OSBPL10: variants seen among roughly 807,000 people sequenced by gnomAD.
OSBPL10 encodes oxysterol-binding protein-related protein 10.
In OSBPL10, 49 loss-of-function variants were observed where a neutral mutation model predicts 81.7. The ratio of observed to expected loss-of-function variants is 0.60; its 90% confidence interval spans 0.48 to 0.76. The LOEUF (loss-of-function observed/expected upper bound fraction) is 0.76, where lower values mean the gene tolerates loss of function less well. Ranked by LOEUF, OSBPL10 falls within the 30% of genes least tolerant of loss-of-function variation. OSBPL10 has a pLI of 0.00. For missense variants in OSBPL10, 923 were observed against 987.8 expected, an observed-to-expected ratio of 0.93 and a Z score of 0.88; for synonymous variants, 419 against 383.6, an observed-to-expected ratio of 1.09 and a Z score of -1.08.
chr3:31,804,191 C>T (rs1699467621), intron 4 of OSBPL10, among the ~76,000 whole-genome samples: 1 of 152,132 alleles, frequency 6.6e-6, no homozygotes, highest in African/African-American at 2.4e-5. Context: ...TTTACTCACC[C>T]CACCCCATGT....
intron 1 of OSBPL10, among the ~76,000 whole-genome samples, chr3:32,058,481 C>T (rs932292067): frequency 6.6e-6 from 1 of 152,108 alleles, no homozygotes; most frequent in Admixed American, 6.5e-5. Context: ...GTGCCCACCA[C>T]CACACCTGGC....
At chr3:31,701,470 C>T (rs772227506) in intron 7 of OSBPL10, among the ~76,000 whole-genome samples, 67 of 152,284 alleles carry the variant, frequency 4.4e-4, no homozygotes, top group Middle Eastern at 3.4e-3. Context: ...AAGATGGTGA[C>T]GCACTTGCTA....
chr3:31,879,262 C>CT, intron 2 of OSBPL10: 1 of 156,420 alleles, frequency 6.4e-6, no homozygotes, highest in Non-Finnish European at 1.4e-5. Flanking sequence ...TCTAGAGAAA[C>CT]TTTGGGGGGA....
At chr3:32,001,338 G>A (rs72854202) in intron 2 of OSBPL10, among the ~76,000 whole-genome samples, 1 of 152,112 alleles carries the variant, frequency 6.6e-6, no homozygotes, top group South Asian at 2.1e-4. Context: ...TGATCTGTTG[G>A]TGTATTCTGT....
At chr3:31,747,048 A>T (rs1487345558) in intron 5 of OSBPL10, among the ~76,000 whole-genome samples, 1 of 152,118 alleles carries the variant, frequency 6.6e-6, no homozygotes, top group Non-Finnish European at 1.5e-5. Flanking sequence ...AAAAATAAGA[A>T]GTGGGGCCAG....
At chr3:32,073,149 C>T (rs1288524148) in intron 1 of OSBPL10, among the ~76,000 whole-genome samples, 1 of 152,150 alleles carries the variant, frequency 6.6e-6, no homozygotes, top group Non-Finnish European at 1.5e-5. Flanking sequence ...AGGGTGCAGT[C>T]CATTTGAACT....
At chr3:31,769,770 CAGT>C (rs1698321535) in intron 4 of OSBPL10, among the ~76,000 whole-genome samples, 2 of 152,008 alleles carry the variant, frequency 1.3e-5, no homozygotes, top group South Asian at 4.1e-4. Flanking sequence ...TTCTTGCTTT[CAGT>C]TATTTGTCTA....
At chr3:31,930,032 G>T (rs11714698) in intron 1 of OSBPL10, among the ~76,000 whole-genome samples, 29,046 of 143,410 alleles carry the variant, frequency 0.2, 3,465 homozygotes, top group Non-Finnish European at 0.27. Context: ...AAAAACAGGT[G>T]TGGTGGCCTA....
chr3:31,679,740 A>C (rs188145321), intron 8 of OSBPL10, among the ~76,000 whole-genome samples: 11 of 152,316 alleles, frequency 7.2e-5, no homozygotes, highest in African/African-American at 2.4e-4. Context: ...TGTTTTTAAG[A>C]AAAGGAAAAG....
chr3:31,966,571 C>A (rs909804208), intron 1 of OSBPL10, among the ~76,000 whole-genome samples: 1 of 151,766 alleles, frequency 6.6e-6, no homozygotes, highest in Non-Finnish European at 1.5e-5. Context: ...GAAACACGAA[C>A]AAGTTACCAA....
chr3:32,014,817 C>G (rs1313859397), intron 2 of OSBPL10, among the ~76,000 whole-genome samples: 2 of 152,072 alleles, frequency 1.3e-5, no homozygotes, highest in Non-Finnish European at 2.9e-5. Flanking sequence ...AAACAGAGAT[C>G]CAAATCATGA....
intron 5 of OSBPL10, among the ~76,000 whole-genome samples, chr3:31,734,084 G>A (rs1379944933): frequency 1.3e-5 from 2 of 152,068 alleles, no homozygotes; most frequent in Admixed American, 1.3e-4. Flanking sequence ...CTCAAAATGT[G>A]GTTTGAATTC....
At chr3:31,867,774 G>A (rs1701218189) in intron 3 of OSBPL10, among the ~76,000 whole-genome samples, 2 of 148,846 alleles carry the variant, frequency 1.3e-5, no homozygotes, top group Non-Finnish European at 3.0e-5. Flanking sequence ...AGGGAGGGAG[G>A]GAGGGAGGGA....
chr3:32,058,735 A>G (rs369617730), intron 1 of OSBPL10, among the ~76,000 whole-genome samples: 1 of 152,198 alleles, frequency 6.6e-6, no homozygotes, highest in South Asian at 2.1e-4. Context: ...TGGTGCCATC[A>G]TAGCTTACTG....
At chr3:31,990,636 T>C in intron 2 of OSBPL10, 1 of 1,614,052 alleles carries the variant, frequency 6.2e-7, no homozygotes, top group South Asian at 1.1e-5. Context: ...GCAAGGTTTT[T>C]AATCAACAAG....
At position 31,802,549 on chromosome 3, in the gene OSBPL10, CAA is replaced by C. The variant is rs746823677; in HGVS notation, c.729+27489_729+27490del. ...CGCCACTGCACTCTAGCCTGGGTATCAAAAAAAAAAAAAAAAAAAAAAGAGAA... is the reference window on the plus strand; with the variant it reads ...CGCCACTGCACTCTAGCCTGGGTATCAAAAAAAAAAAAAAAAAAAAGAGAA... On this transcript the variant is annotated intron_variant, in intron 4 of 11. Transcript: ENST00000396556. Among the ~76,000 whole-genome samples the C allele has an allele frequency of 3.2e-3, 300 of 94,982 alleles. 1 individual carries two copies. Among genetic ancestry groups the C allele is most frequent in the African/African-American group, 0.011 (272 of 24,172 alleles). 62.3% of individuals were successfully genotyped at this position (94,982 alleles called of 152,430 possible). A position where few individuals can be genotyped will look rare whatever the true frequency, so the allele number is the denominator to read the frequency against.
At chr3:31,740,469 T>C (rs1697306421) in intron 5 of OSBPL10, among the ~76,000 whole-genome samples, 1 of 152,138 alleles carries the variant, frequency 6.6e-6, no homozygotes. Flanking sequence ...TTAATAACAA[T>C]AGCCTACATA....
At chr3:31,956,596 C>T (rs763293614) in intron 1 of OSBPL10, among the ~76,000 whole-genome samples, 3 of 151,968 alleles carry the variant, frequency 2.0e-5, no homozygotes, top group Non-Finnish European at 2.9e-5. Flanking sequence ...GGCTTGGTGG[C>T]GGGCACCTGT....
At chr3:32,015,191 A>G (rs1022351862) in intron 2 of OSBPL10, among the ~76,000 whole-genome samples, 2 of 152,186 alleles carry the variant, frequency 1.3e-5, no homozygotes, top group Non-Finnish European at 2.9e-5. Flanking sequence ...CCTGACTTCA[A>G]ACTATACTAC....
Sources: gnomAD v4.1 joint callset for allele counts (sites outside exome capture counted in the v4.1 genomes callset) on GRCh38, gnomAD v4.1.1 for gene constraint, MANE v1.5 for transcripts, NCBI Gene and HGNC (gene_info 2026-07-23, HGNC 2026-07-21) for gene names.